Variants in LCA5L observed in about 807,000 individuals in gnomAD.
LCA5L encodes lebercilin-like protein.
In LCA5L, 35 loss-of-function variants were observed where a neutral mutation model predicts 45.4. The ratio of observed to expected loss-of-function variants is 0.77; its 90% confidence interval spans 0.59 to 1.02. LCA5L has a LOEUF of 1.02. Ranked by LOEUF, LCA5L falls within the 50% of genes least tolerant of loss-of-function variation. LCA5L has a pLI of 0.00. For missense variants in LCA5L, 668 were observed against 761.6 expected, an observed-to-expected ratio of 0.88 and a Z score of 1.45; for synonymous variants, 233 against 264.7, an observed-to-expected ratio of 0.88 and a Z score of 1.16.
At chr21:39,411,209 G>C (rs992106913) in intron 8 of LCA5L, 4 of 260,776 alleles carry the variant, frequency 1.5e-5, no homozygotes, top group African/African-American at 9.0e-5. Flanking sequence ...GTTGCCTCGG[G>C]TGAGGTAGGG....
intron 7 of LCA5L, among the ~76,000 whole-genome samples, chr21:39,420,176 TTGTCTGTTCA>T (rs1011977539): frequency 5.5e-4 from 83 of 152,228 alleles, no homozygotes; most frequent in African/African-American, 1.9e-3. Flanking sequence ...TGCAGATCCT[TTGTCTGTTCA>T]TATGATTGTA....
chr21:39,441,237 G>A (rs1036394276), intron 2 of LCA5L, among the ~76,000 whole-genome samples: 2 of 152,158 alleles, frequency 1.3e-5, no homozygotes, highest in Admixed American at 6.5e-5. Context: ...AGTCAAGGCC[G>A]CAGTGATGCA....
intron 2 of LCA5L, among the ~76,000 whole-genome samples, chr21:39,440,896 G>A (rs1423493100): frequency 6.6e-6 from 1 of 152,216 alleles, no homozygotes; most frequent in African/African-American, 2.4e-5. Context: ...GCTTATAAAT[G>A]TGGTATTATA....
At chr21:39,435,314 C>T (rs1655404069) in intron 3 of LCA5L, 106 bp downstream of exon 3, 1 of 152,220 alleles carries the variant, frequency 6.6e-6, no homozygotes, top group African/African-American at 2.4e-5. Flanking sequence ...AGGTATATGT[C>T]TGAATCATTC....
At position 39,433,927 on chromosome 21, in the gene LCA5L, C is replaced by CT. The variant is rs10574659; in HGVS notation, c.-92+1492dup. ...TACAGGTCCATGCCACCACATCCAG[C>CT]TTTTTTTTTTTTTTTTTTTTTTGTA... On this transcript the variant is annotated intron_variant, in intron 3 of 10. Coordinates refer to ENST00000288350, the MANE Select transcript of LCA5L (RefSeq NM_152505.4). Among the ~76,000 whole-genome samples, 714 of 95,780 alleles carry CT rather than the reference C, an allele frequency of 7.5e-3. 11 individuals carry two copies. Among genetic ancestry groups the CT allele is most frequent in the Admixed American group, 0.029 (235 of 8,138 alleles). 62.8% of individuals were successfully genotyped at this position (95,780 alleles called of 152,430 possible). A position where few individuals can be genotyped will look rare whatever the true frequency, so the allele number is the denominator to read the frequency against.
At chr21:39,417,779 T>G (rs957677758) in intron 7 of LCA5L, among the ~76,000 whole-genome samples, 16 of 152,056 alleles carry the variant, frequency 1.1e-4, no homozygotes, top group African/African-American at 3.6e-4. Context: ...TTTTAATTTT[T>G]TTTTGAGATG....
chr21:39,427,034 G>A (rs1001226475), intron 5 of LCA5L, among the ~76,000 whole-genome samples: 1 of 152,224 alleles, frequency 6.6e-6, no homozygotes, highest in African/African-American at 2.4e-5. Flanking sequence ...GGGAACTGAA[G>A]ATTCTGGGTG....
chr21:39,441,179 A>T (rs2148296415), intron 2 of LCA5L, among the ~76,000 whole-genome samples: 1 of 152,190 alleles, frequency 6.6e-6, no homozygotes, highest in East Asian at 1.9e-4. Context: ...CTAAAAAAAA[A>T]TTAGCCGGGT....
intron 7 of LCA5L, among the ~76,000 whole-genome samples, chr21:39,417,395 T>C (rs1376755217): frequency 6.6e-6 from 1 of 152,236 alleles, no homozygotes; most frequent in Non-Finnish European, 1.5e-5. Context: ...AATATTTTCA[T>C]GGTTCCATAA....
chr21:39,435,883 T>C (rs1017376956), intron 2 of LCA5L, among the ~76,000 whole-genome samples: 1 of 152,110 alleles, frequency 6.6e-6, no homozygotes, highest in South Asian at 2.1e-4. Context: ...AGTGATCTAC[T>C]CACCTTGGCC....
rs965455353 is a variant in LCA5L, at chr21:39,409,243, A to C, written c.1282+736T>G. On this transcript the variant is annotated intron_variant, in intron 10 of 10. Transcript: ENST00000288350. This position sits in a 1 kb window ranked among gnomAD's most constrained non-coding sequence, Gnocchi z 4.2. ...GAGAAGCGGGACATCTAAAGCCAGG[A>C]AGAGGGCCTTAACTGAAGCCAAATG... Among the ~76,000 whole-genome samples the C allele has an allele frequency of 2.6e-5, 4 of 152,182 alleles. No individual in the cohort carries two copies. The highest frequency in any genetic ancestry group is 5.9e-5 in the Non-Finnish European group (4 of 68,016).
intron 5 of LCA5L, among the ~76,000 whole-genome samples, chr21:39,426,400 A>G (rs1159328073): frequency 6.6e-6 from 1 of 152,200 alleles, no homozygotes; most frequent in Non-Finnish European, 1.5e-5. Flanking sequence ...GCCCTCTTGC[A>G]TGATCCCACA....
rs1385611589 is a variant in LCA5L, at chr21:39,414,736, CTCTCTCTGTG to C, written c.976-2944_976-2935del. 4.0e-3 allele frequency among the ~76,000 whole-genome samples: 373 copies of C among 92,268 alleles called. 1 individual carries two copies. Among genetic ancestry groups the C allele is most frequent in the African/African-American group, 0.017 (360 of 21,690 alleles). 60.5% of individuals were successfully genotyped at this position (92,268 alleles called of 152,430 possible). ...TCCCTCTCTCTCTCTCTCTCTCTCTCTCTCTCTGTGTGTGTGTGTGTGTGTGTGTGTGTGT... is the reference window on the plus strand; with the variant it reads ...TCCCTCTCTCTCTCTCTCTCTCTCTCTGTGTGTGTGTGTGTGTGTGTGTGT... On this transcript the variant is annotated intron_variant, in intron 7 of 10. Coordinates refer to ENST00000288350, the MANE Select transcript of LCA5L (RefSeq NM_152505.4).
intron 1 of LCA5L, 78 bp downstream of exon 1, chr21:39,445,647 G>A (rs534817644): frequency 6.5e-6 from 1 of 152,672 alleles, no homozygotes; most frequent in South Asian, 2.1e-4. Flanking sequence ...CGTAGCAGGA[G>A]GGTCCGGAAG....
At position 39,409,462 on chromosome 21, in the gene LCA5L, G is replaced by T. The variant is rs1218731901; in HGVS notation, c.1282+517C>A. 6.6e-6 allele frequency among the ~76,000 whole-genome samples: 1 copy of T among 152,170 alleles called. No individual in the cohort carries two copies. The highest frequency in any genetic ancestry group is 2.4e-5 in the African/African-American group (1 of 41,452). On this transcript the variant is annotated intron_variant, in intron 10 of 10. Transcript: ENST00000288350. The surrounding 1 kb of genome is among the most constrained non-coding windows in gnomAD (Gnocchi z 4.2). ...AAACCCAAGACGGTGGTGGTTTCTGGTGGGCAGGGCGAGGGGATATGATTG... is the reference window on the plus strand; with the variant it reads ...AAACCCAAGACGGTGGTGGTTTCTGTTGGGCAGGGCGAGGGGATATGATTG...
Position 39,406,089 on chromosome 21 carries a change from G to T in LCA5L, c.1806C>A (p.Leu602=). Residue 602 remains leucine, a synonymous_variant, in exon 11 of 11, where the codon CTC becomes CTA. Coordinates refer to ENST00000288350, the MANE Select transcript of LCA5L (RefSeq NM_152505.4). ...RDKKSSLMEE[L]FGSGYVLKTD... ...TTTTCAAGACATAGCCTGATCCAAA[G>T]AGTTCTTCCATGAGACTGCTTTTCT... 6.2e-7 allele frequency: 1 copy of T among 1,614,152 alleles called. No homozygotes were observed. Among genetic ancestry groups the T allele is most frequent in the Non-Finnish European group, 8.5e-7 (1 of 1,179,962 alleles).
At chr21:39,430,555 A>G (rs779498309) in intron 3 of LCA5L, among the ~76,000 whole-genome samples, 1 of 152,138 alleles carries the variant, frequency 6.6e-6, no homozygotes, top group African/African-American at 2.4e-5. Flanking sequence ...AATGTGAGTG[A>G]CACCACCAAT....
intron 5 of LCA5L, among the ~76,000 whole-genome samples, chr21:39,424,115 C>T (rs1434081626): frequency 1.3e-5 from 2 of 151,962 alleles, no homozygotes; most frequent in South Asian, 2.1e-4. Context: ...CGGGTTCAAG[C>T]GATTCTCCTG....
intron 7 of LCA5L, among the ~76,000 whole-genome samples, chr21:39,416,078 CCTT>C (rs1255227233): frequency 3.3e-5 from 5 of 152,152 alleles, no homozygotes; most frequent in African/African-American, 9.7e-5. Context: ...TCCTGTCATT[CCTT>C]CTTCATTATT....
Sources: gnomAD v4.1 joint callset for allele counts (sites outside exome capture counted in the v4.1 genomes callset) on GRCh38, gnomAD v4.1.1 for gene constraint, Gnocchi (gnomAD v3.1) non-coding constraint, MANE v1.5 for transcripts, NCBI Gene and HGNC (gene_info 2026-07-23, HGNC 2026-07-21) for gene names.